SNX9: variants seen among roughly 807,000 people sequenced by gnomAD.
SNX9 encodes the protein sorting nexin 9.
Under a neutral mutation model 89.4 loss-of-function variants are expected in SNX9, and 44 were observed. The observed-to-expected ratio is 0.49, with a 90% CI of 0.39 to 0.63. The LOEUF (loss-of-function observed/expected upper bound fraction) is 0.63. SNX9 is among the 30% of genes least tolerant of loss of function. The pLI, the probability that SNX9 is intolerant of heterozygous loss-of-function variation, is 0.00. For synonymous variants in SNX9, 236 were observed against 247.8 expected (o/e 0.95, Z 0.45); for missense variants, 578 against 736.1 (o/e 0.79, Z 2.49).
At chr6:157,925,903 A>G (rs9347771) in intron 10 of SNX9, among the ~76,000 whole-genome samples, 6,631 of 151,010 alleles carry the variant, frequency 0.044, 196 homozygotes, top group East Asian at 0.11. Flanking sequence ...AGATCAAGGC[A>G]CCAGCATTTG....
intron 1 of SNX9, among the ~76,000 whole-genome samples, chr6:157,852,950 G>C (rs900673274): frequency 1.3e-5 from 2 of 152,088 alleles, no homozygotes; most frequent in African/African-American, 4.8e-5. Context: ...TTAAAAGTCA[G>C]TTATCTTCTT....
chr6:157,861,610 A>G (rs1320869826), intron 1 of SNX9, among the ~76,000 whole-genome samples: 1 of 152,220 alleles, frequency 6.6e-6, no homozygotes, highest in African/African-American at 2.4e-5. Context: ...CAGTGGAGTA[A>G]GCGCAAGGTT....
chr6:157,867,398 A>G (rs1782286221), intron 1 of SNX9, 149 bp from the exon 2 acceptor site: 2 of 591,064 alleles, frequency 3.4e-6, no homozygotes, highest in East Asian at 2.8e-5. Flanking sequence ...CAGATGAGTC[A>G]TTTTGGTAAT....
At chr6:157,911,136 T>A (rs1377845289) in intron 9 of SNX9, among the ~76,000 whole-genome samples, 1 of 151,954 alleles carries the variant, frequency 6.6e-6, no homozygotes, top group Non-Finnish European at 1.5e-5. Context: ...AATAAATAAA[T>A]AAATAAATGT....
chr6:157,834,149 GGTTTTTTTTTTTTTTTTTTT>G (rs1781529412), intron 1 of SNX9, among the ~76,000 whole-genome samples: 1 of 60,086 alleles, frequency 1.7e-5, no homozygotes, highest in Non-Finnish European at 3.2e-5. Context: ...TGTCCACTGT[GGTTTTTTTTTTTTTTTTTTT>G]TTTTTTTTTT....
chr6:157,895,349 C>T (rs1782957073), intron 4 of SNX9, among the ~76,000 whole-genome samples: 2 of 152,126 alleles, frequency 1.3e-5, no homozygotes, highest in Admixed American at 6.5e-5. Context: ...TCTGATAGGT[C>T]CTGTTCTTAG....
chr6:157,830,667 A>T (rs1781463139), intron 1 of SNX9: 1 of 152,220 alleles, frequency 6.6e-6, no homozygotes. Flanking sequence ...CTTGTGGCTA[A>T]CAAGAACTTG....
chr6:157,856,111 G>A (rs902893805), intron 1 of SNX9, among the ~76,000 whole-genome samples: 1 of 152,166 alleles, frequency 6.6e-6, no homozygotes, highest in African/African-American at 2.4e-5. Flanking sequence ...TATTTTGGGT[G>A]AAGAGACATT....
chr6:157,825,411 A>G (rs3805758), intron 1 of SNX9, among the ~76,000 whole-genome samples: 44,775 of 152,160 alleles, frequency 0.29, 7,828 homozygotes, highest in African/African-American at 0.49. Context: ...GCAGGTATAT[A>G]TAGTGAAATT....
intron 4 of SNX9, among the ~76,000 whole-genome samples, chr6:157,890,266 A>C (rs1583219402): frequency 2.0e-5 from 3 of 151,112 alleles, no homozygotes; most frequent in Admixed American, 6.6e-5. Context: ...CGTCTCCCCC[A>C]CCCCTCGTGG....
At chr6:157,840,336 A>C (rs1781673284) in intron 1 of SNX9, among the ~76,000 whole-genome samples, 1 of 152,218 alleles carries the variant, frequency 6.6e-6, no homozygotes, top group Non-Finnish European at 1.5e-5. Flanking sequence ...GGGGGCTTTG[A>C]CATTTATTTG....
chr6:157,899,107 C>A (rs963168930), intron 5 of SNX9, among the ~76,000 whole-genome samples: 2 of 151,662 alleles, frequency 1.3e-5, no homozygotes, highest in African/African-American at 4.8e-5. Context: ...GAGGAGAGCC[C>A]ACAGGGGAGG....
At chr6:157,917,498 A>T (rs79138110) in intron 9 of SNX9, among the ~76,000 whole-genome samples, 1 of 152,180 alleles carries the variant, frequency 6.6e-6, no homozygotes, top group East Asian at 1.9e-4. Context: ...ATGTTCATTC[A>T]GGTCAAAACA....
At chr6:157,855,181 T>C (rs1316895636) in intron 1 of SNX9, among the ~76,000 whole-genome samples, 1 of 152,208 alleles carries the variant, frequency 6.6e-6, no homozygotes, top group Admixed American at 6.5e-5. Flanking sequence ...GTTTTCTCAC[T>C]TAATACATAT....
intron 17 of SNX9, 42 bp from the exon 18 acceptor site, chr6:157,942,749 G>T (rs1165223634): frequency 1.2e-5 from 20 of 1,605,062 alleles, no homozygotes; most frequent in Non-Finnish European, 1.7e-5. Context: ...GGTCGTAATG[G>T]GAGTGATATC....
intron 1 of SNX9, among the ~76,000 whole-genome samples, chr6:157,850,195 T>C (rs1275758426): frequency 6.6e-6 from 1 of 151,978 alleles, no homozygotes; most frequent in East Asian, 1.9e-4. Context: ...GGGCCTAGCA[T>C]GGTGATTGGA....
At chr6:157,887,565 G>A (rs1048387763) in intron 4 of SNX9, among the ~76,000 whole-genome samples, 6 of 152,112 alleles carry the variant, frequency 3.9e-5, no homozygotes, top group South Asian at 2.1e-4. Flanking sequence ...GTCTCTCCAC[G>A]CAGTGAATGG....
At chr6:157,884,302 A>G (rs1782687929) in intron 4 of SNX9, among the ~76,000 whole-genome samples, 1 of 152,208 alleles carries the variant, frequency 6.6e-6, no homozygotes, top group Non-Finnish European at 1.5e-5. Context: ...TTGCAAAGGA[A>G]TTTTTATTGG....
chr6:157,907,169 T>G (rs1306079887), intron 7 of SNX9, among the ~76,000 whole-genome samples: 1 of 152,250 alleles, frequency 6.6e-6, no homozygotes, highest in Non-Finnish European at 1.5e-5. Context: ...AGATTTTTTT[T>G]TCCTGTTTTC....
Sources: allele counts gnomAD v4.1 joint callset (sites outside exome capture counted in the v4.1 genomes callset), GRCh38; gene constraint gnomAD v4.1.1; transcripts MANE v1.5; gene names NCBI Gene and HGNC (gene_info 2026-07-23, HGNC 2026-07-21).